FAM20B: variants seen among roughly 807,000 people sequenced by gnomAD.
The protein encoded by FAM20B is glycosaminoglycan xylosylkinase.
In FAM20B, 23 loss-of-function variants were observed where a neutral mutation model predicts 43.8. That is an observed-to-expected ratio of 0.53 (90% confidence interval 0.38 to 0.74). The LOEUF (loss-of-function observed/expected upper bound fraction) is 0.74, where lower values mean the gene tolerates loss of function less well. Ranked by LOEUF, FAM20B falls within the 30% of genes least tolerant of loss-of-function variation. The pLI is 0.00. For missense variants in FAM20B, 440 were observed against 510.5 expected (o/e 0.86, Z 1.33); for synonymous variants, 178 against 192.4 (o/e 0.93, Z 0.62).
At chr1:179,065,587 C>T (rs1426559839) in intron 6 of FAM20B, among the ~76,000 whole-genome samples, 1 of 152,140 alleles carries the variant, frequency 6.6e-6, no homozygotes, top group African/African-American at 2.4e-5. Context: ...CTAATGATGC[C>T]ACCATCTTAT....
At position 179,039,738 on chromosome 1, in the gene FAM20B, TA is replaced by T. The variant is rs1386216647; in HGVS notation, c.-133-3976del. On this transcript the variant is annotated intron_variant, in intron 1 of 7. Coordinates refer to ENST00000263733, the MANE Select transcript of FAM20B (RefSeq NM_014864.4). The stretch of plus-strand genomic sequence containing the variant: ...CCCTGTGGCATTTTATTTATTTATT[TA>T]TTATTTTTTTTTATTGATCATTCTT... Among the ~76,000 whole-genome samples the T allele has an allele frequency of 4.9e-3, 619 of 127,470 alleles. 6 individuals carry two copies. The highest frequency in any genetic ancestry group is 0.012 in the Middle Eastern group (3 of 246). 83.6% of individuals were successfully genotyped at this position (127,470 alleles called of 152,430 possible). A position where few individuals can be genotyped will look rare whatever the true frequency, so the allele number is the denominator to read the frequency against.
chr1:179,052,111 G>A (rs966761987), intron 3 of FAM20B, among the ~76,000 whole-genome samples: 1 of 152,058 alleles, frequency 6.6e-6, no homozygotes, highest in Non-Finnish European at 1.5e-5. Context: ...AAATTTAAAA[G>A]CAAACAACAA....
At chr1:179,050,719 T>G (rs747370819) in intron 3 of FAM20B, among the ~76,000 whole-genome samples, 1 of 152,244 alleles carries the variant, frequency 6.6e-6, no homozygotes, top group Non-Finnish European at 1.5e-5. Context: ...GTATTTGTTT[T>G]AAGTAAGTAA....
At chr1:179,058,437 C>G (rs1246962533) in intron 4 of FAM20B, among the ~76,000 whole-genome samples, 1 of 152,106 alleles carries the variant, frequency 6.6e-6, no homozygotes, top group Non-Finnish European at 1.5e-5. Flanking sequence ...TGACCCTGTT[C>G]CAGGTAGAGG....
rs1209704577 is a variant in FAM20B at position 179,072,209 on chromosome 1, A to G, written c.*65A>G. On this transcript the variant is annotated 3_prime_UTR_variant, in exon 8 of 8. Coordinates refer to ENST00000263733, the MANE Select transcript of FAM20B (RefSeq NM_014864.4). ...TAGAGAAACAGCACAATCAATTCCA[A>G]ATGGTATGAGATGGATTGGAAGTGG... 6.9e-6 allele frequency: 9 copies of G among 1,308,686 alleles called. No homozygotes were observed. Among genetic ancestry groups the G allele is most frequent in the Non-Finnish European group, 9.7e-6 (9 of 931,158 alleles). The allele number at this position is 1,308,686 out of a possible 1,614,324, so 81.1% of individuals were successfully genotyped here.
rs1328344812 is a variant in FAM20B at position 179,064,379 on chromosome 1, A to G, written c.821A>G (p.Asp274Gly). The G allele has an allele frequency of 1.2e-6, 2 of 1,613,984 alleles. No individual in the cohort carries two copies. Among genetic ancestry groups the G allele is most frequent in the African/African-American group, 2.7e-5 (2 of 74,922 alleles). ...TATGACTCTGGCCCGCGCCTCTTGG[A>G]CATCATTGACACAGCTGTCTTTGAT... ...SPYDSGPRLL[D>G]IIDTAVFDYL... The change falls in exon 6 of 8, where the codon GAC (aspartate) becomes GGC (glycine). Residue 274 changes from aspartate to glycine, a missense_variant. Asp to Gly is a moderately conservative substitution (Grantham distance 94). Transcript: ENST00000263733.
At chr1:179,061,245 AT>A (rs2102518202) in intron 4 of FAM20B, among the ~76,000 whole-genome samples, 1 of 151,816 alleles carries the variant, frequency 6.6e-6, no homozygotes, top group South Asian at 2.1e-4. Flanking sequence ...CTCCCAGCTA[AT>A]TTTGTATTTT....
At position 179,054,518 on chromosome 1, in the gene FAM20B, T is replaced by A. The variant is rs1260210404; in HGVS notation, c.465-11T>A. ...GATTTTTCTCTTCTGTTCTTCAATC[T>A]TCCAAACCAGGATTCTGGGTTTCCA... On this transcript the variant is annotated splice_polypyrimidine_tract_variant and intron_variant, in intron 3 of 7. Transcript: ENST00000263733. The A allele has an allele frequency of 1.3e-6, 2 of 1,580,266 alleles. No homozygotes were observed. The highest frequency in any genetic ancestry group is 1.3e-5 in the African/African-American group (1 of 74,214).
chr1:179,044,505 C>A (rs1184986330), intron 2 of FAM20B, among the ~76,000 whole-genome samples: 1 of 152,160 alleles, frequency 6.6e-6, no homozygotes, highest in African/African-American at 2.4e-5. Flanking sequence ...TTACTATCTC[C>A]GTAGTTTTGC....
rs1651604257 is a variant in FAM20B at position 179,064,365 on chromosome 1, C to G, written c.807C>G (p.Gly269=). The change falls in exon 6 of 8, where the codon GGC becomes GGG. Residue 269 remains glycine, a synonymous_variant. Coordinates refer to ENST00000263733, the MANE Select transcript of FAM20B (RefSeq NM_014864.4). ...AVKKTSPYDS[G]PRLLDIIDTA... ...AGAAAACGTCCCCTTATGACTCTGG[C>G]CCGCGCCTCTTGGACATCATTGACA... The G allele has an allele frequency of 9.9e-6, 16 of 1,614,098 alleles. No homozygotes were observed. Among genetic ancestry groups the G allele is most frequent in the Non-Finnish European group, 1.4e-5 (16 of 1,179,974 alleles).
intron 3 of FAM20B, among the ~76,000 whole-genome samples, chr1:179,050,775 A>G (rs1291396635): frequency 6.6e-6 from 1 of 152,222 alleles, no homozygotes; most frequent in Non-Finnish European, 1.5e-5. Flanking sequence ...ATGAAATATG[A>G]GTTTTATTAT....
intron 4 of FAM20B, among the ~76,000 whole-genome samples, chr1:179,062,891 C>T (rs1475350423): frequency 6.6e-6 from 1 of 152,178 alleles, no homozygotes; most frequent in African/African-American, 2.4e-5. Context: ...CCACACTTGG[C>T]CTAGTACATG....
chr1:179,061,285 C>T (rs1651455260), intron 4 of FAM20B, among the ~76,000 whole-genome samples: 1 of 152,106 alleles, frequency 6.6e-6, no homozygotes, highest in Admixed American at 6.6e-5. Flanking sequence ...GCCATGTTGG[C>T]CAGGCTGGTC....
chr1:179,062,095 C>G (rs901307555), intron 4 of FAM20B, among the ~76,000 whole-genome samples: 5 of 152,012 alleles, frequency 3.3e-5, no homozygotes, highest in Admixed American at 6.6e-5. Flanking sequence ...CAAACTTTGC[C>G]TCTCAGGTTT....
Position 179,044,327 on chromosome 1 carries a change from G to C in FAM20B, c.377+103G>C, listed in dbSNP as rs906523331. The C allele has an allele frequency of 1.3e-5, 17 of 1,329,042 alleles. No homozygotes were observed. The East Asian group carries it at 2.1e-4, about 17-fold the overall frequency. The allele number at this position is 1,329,042 out of a possible 1,614,324, so 82.3% of individuals were successfully genotyped here. On this transcript the variant is annotated intron_variant, in intron 2 of 7. Coordinates refer to ENST00000263733, the MANE Select transcript of FAM20B (RefSeq NM_014864.4). Reference sequence around the variant, plus strand: ...TCATCTTCTCTTGGAAGTCTCTTCAGTAAAATAAGAGGGGTAGACTAGATC... The same window carrying C: ...TCATCTTCTCTTGGAAGTCTCTTCACTAAAATAAGAGGGGTAGACTAGATC...
At chr1:179,049,318 A>G (rs1027654083) in intron 2 of FAM20B, among the ~76,000 whole-genome samples, 1 of 152,162 alleles carries the variant, frequency 6.6e-6, no homozygotes, top group Non-Finnish European at 1.5e-5. Context: ...GCTCAAGCTT[A>G]CCCAGTCAAG....
chr1:179,045,900 AAAAC>A (rs1395249803), intron 2 of FAM20B, among the ~76,000 whole-genome samples: 2 of 151,940 alleles, frequency 1.3e-5, no homozygotes, highest in Non-Finnish European at 2.9e-5. Context: ...CTCAAAAAAA[AAAAC>A]CAAAAAACAA....
At chr1:179,060,349 T>C (rs535277854) in intron 4 of FAM20B, among the ~76,000 whole-genome samples, 4 of 152,308 alleles carry the variant, frequency 2.6e-5, no homozygotes, top group African/African-American at 9.6e-5. Context: ...CAGAATTACC[T>C]TGTATATATG....
rs182158842 is a variant in FAM20B, at chr1:179,071,442, A to C, written c.999-471A>C. On this transcript the variant is annotated intron_variant, in intron 7 of 7. Coordinates refer to ENST00000263733, the MANE Select transcript of FAM20B (RefSeq NM_014864.4). ...TCTTGTTAACACTGTAGTGTACTTC[A>C]TTCCAATCCATGTATGTGTATTTTG... Among the ~76,000 whole-genome samples the C allele has an allele frequency of 2.6e-5, 4 of 152,316 alleles. No homozygotes were observed. The East Asian group carries it at 5.8e-4, about 22-fold the overall frequency.
Sources: gnomAD v4.1 joint callset for allele counts (sites outside exome capture counted in the v4.1 genomes callset) on GRCh38, gnomAD v4.1.1 for gene constraint, MANE v1.5 for transcripts, NCBI Gene and HGNC (gene_info 2026-07-23, HGNC 2026-07-21) for gene names.